Variants in SLC9A2 observed in about 807,000 individuals in gnomAD.
SLC9A2 encodes sodium/hydrogen exchanger 2.
Under a neutral mutation model 71.7 loss-of-function variants are expected in SLC9A2, and 42 were observed. That is an observed-to-expected ratio of 0.59 (90% CI 0.46 to 0.76). SLC9A2 has a LOEUF of 0.76. SLC9A2 is among the 30% of genes least tolerant of loss of function. The pLI, the probability that SLC9A2 is intolerant of heterozygous loss-of-function variation, is 0.00. For missense variants in SLC9A2, 829 were observed against 1,017.4 expected, an observed-to-expected ratio of 0.81 and a Z score of 2.52; for synonymous variants, 396 against 392.5, an observed-to-expected ratio of 1.01 and a Z score of -0.10.
chr2:102,652,792 A>T (rs1320747751), intron 1 of SLC9A2, among the ~76,000 whole-genome samples: 1 of 152,058 alleles, frequency 6.6e-6, no homozygotes, highest in Non-Finnish European at 1.5e-5. Context: ...TTCCCCCAAT[A>T]ACTGATATAT....
intron 1 of SLC9A2, among the ~76,000 whole-genome samples, chr2:102,651,100 T>A (rs547973406): frequency 1.3e-5 from 2 of 152,320 alleles, no homozygotes; most frequent in African/African-American, 2.4e-5. Context: ...CAGCACATTC[T>A]GTTGGAGCAC....
chr2:102,620,181 G>C (rs1263259273), intron 1 of SLC9A2, 44 bp downstream of exon 1: 22 of 1,545,276 alleles, frequency 1.4e-5, no homozygotes, highest in Non-Finnish European at 1.8e-5. Context: ...GGCGATCTCG[G>C]GGGGACACCT....
At chr2:102,633,649 G>A (rs1471837808) in intron 1 of SLC9A2, among the ~76,000 whole-genome samples, 1 of 152,156 alleles carries the variant, frequency 6.6e-6, no homozygotes, top group Non-Finnish European at 1.5e-5. Context: ...CTAAGGAAAA[G>A]GTAAGGTAGC....
intron 1 of SLC9A2, among the ~76,000 whole-genome samples, chr2:102,631,408 G>A (rs1241243015): frequency 6.6e-6 from 1 of 151,910 alleles, no homozygotes; most frequent in Admixed American, 6.6e-5. Context: ...TCATCCTCAT[G>A]TAGGTGTTAA....
chr2:102,625,541 A>G (rs1004193827), intron 1 of SLC9A2, among the ~76,000 whole-genome samples: 8 of 144,820 alleles, frequency 5.5e-5, no homozygotes, highest in African/African-American at 1.3e-4. Context: ...TCATTGTTCA[A>G]TTCCCACCTA....
At chr2:102,657,373 A>G (rs1472286853) in intron 1 of SLC9A2, among the ~76,000 whole-genome samples, 191 bp from the exon 2 acceptor site, 2 of 152,140 alleles carry the variant, frequency 1.3e-5, no homozygotes, top group African/African-American at 4.8e-5. Context: ...TTTTGTCTAC[A>G]TGTGCTTCAT....
chr2:102,691,667 T>G (rs1299782604), intron 5 of SLC9A2, among the ~76,000 whole-genome samples: 2 of 152,234 alleles, frequency 1.3e-5, no homozygotes, highest in African/African-American at 4.8e-5. Flanking sequence ...AGGGACTGTA[T>G]ATACAAAAAC....
chr2:102,699,659 T>A (rs1423347474), intron 7 of SLC9A2, among the ~76,000 whole-genome samples: 1 of 152,176 alleles, frequency 6.6e-6, no homozygotes, highest in Non-Finnish European at 1.5e-5. Context: ...TTTGGAGTAC[T>A]AGTCTGCTAG....
At chr2:102,695,788 ATT>A (rs1491310707) in intron 7 of SLC9A2, among the ~76,000 whole-genome samples, 5 of 43,314 alleles carry the variant, frequency 1.2e-4, no homozygotes, top group African/African-American at 3.6e-4. Context: ...TTATATATAT[ATT>A]ATATATATAT....
intron 3 of SLC9A2, 103 bp from the exon 4 acceptor site, chr2:102,683,158 T>C: frequency 1.3e-6 from 1 of 768,798 alleles, no homozygotes; most frequent in Non-Finnish European, 2.2e-6. Context: ...GTTGTAGTCT[T>C]GGGCAGAAGA....
intron 3 of SLC9A2, among the ~76,000 whole-genome samples, chr2:102,674,816 TTC>T (rs965634779): frequency 6.6e-6 from 1 of 152,216 alleles, no homozygotes; most frequent in African/African-American, 2.4e-5. Flanking sequence ...GCCTAAGCAT[TTC>T]TCTCTCTCAA....
chr2:102,689,260 G>A (rs1677612872), intron 5 of SLC9A2, among the ~76,000 whole-genome samples: 1 of 152,170 alleles, frequency 6.6e-6, no homozygotes, highest in African/African-American at 2.4e-5. Flanking sequence ...ATATATTTGA[G>A]TTTGGGGATA....
At chr2:102,695,642 T>C (rs1383466173) in intron 7 of SLC9A2, among the ~76,000 whole-genome samples, 1 of 151,100 alleles carries the variant, frequency 6.6e-6, no homozygotes, top group Non-Finnish European at 1.5e-5. Flanking sequence ...TGCAATCTAT[T>C]TGGCTGAAAA....
chr2:102,632,477 C>T (rs1263982600), intron 1 of SLC9A2, among the ~76,000 whole-genome samples: 1 of 151,860 alleles, frequency 6.6e-6, no homozygotes, highest in Admixed American at 6.6e-5. Flanking sequence ...ACAATTACAT[C>T]TTTTAAATGT....
intron 3 of SLC9A2, among the ~76,000 whole-genome samples, chr2:102,670,582 A>G (rs1220323191): frequency 7.1e-6 from 1 of 141,064 alleles, no homozygotes; most frequent in Admixed American, 7.3e-5. Context: ...TTTATGTGCA[A>G]TATCCCCTCC....
intron 5 of SLC9A2, among the ~76,000 whole-genome samples, chr2:102,690,968 C>CAAAA (rs57709703): frequency 2.3e-5 from 3 of 131,256 alleles, no homozygotes; most frequent in South Asian, 2.5e-4. Flanking sequence ...TCATTTTCTT[C>CAAAA]AAAAAAAAAA....
In SLC9A2 at chr2:102,619,770, G is replaced by A. The variant is rs114579143; in HGVS notation, c.-79G>A. The A allele has an allele frequency of 4.3e-3, 5,685 of 1,335,758 alleles. 200 individuals carry two copies. The African/African-American group carries it at 0.073, about 17-fold the overall frequency. 82.7% of individuals were successfully genotyped at this position (1,335,758 alleles called of 1,614,324 possible). On this transcript the variant is annotated 5_prime_UTR_variant, in exon 1 of 12. Coordinates refer to ENST00000233969, the MANE Select transcript of SLC9A2 (RefSeq NM_003048.6). This position sits in a 1 kb window ranked among gnomAD's most constrained non-coding sequence, Gnocchi z 4.3. ...GCCCTGCACGGGGCAGGGCGGAGCG[G>A]GCTGAGCAGCCCGGGCGCGATGCGT...
chr2:102,683,565 G>A (rs1365166456), intron 4 of SLC9A2, 87 bp downstream of exon 4: 3 of 1,033,774 alleles, frequency 2.9e-6, no homozygotes, highest in Non-Finnish European at 2.9e-6. Flanking sequence ...TTCTGCTGTT[G>A]TGGATTCTTT....
intron 10 of SLC9A2, among the ~76,000 whole-genome samples, chr2:102,705,478 A>C (rs1677957386): frequency 6.6e-6 from 1 of 151,960 alleles, no homozygotes; most frequent in African/African-American, 2.4e-5. Flanking sequence ...GAAAAAAAAA[A>C]CACCTTACAT....
Sources: allele counts gnomAD v4.1 joint callset (sites outside exome capture counted in the v4.1 genomes callset), GRCh38; gene constraint gnomAD v4.1.1; non-coding constraint Gnocchi (gnomAD v3.1); transcripts MANE v1.5; gene names NCBI Gene and HGNC (gene_info 2026-07-23, HGNC 2026-07-21).